AP3S1: variants seen among roughly 807,000 people sequenced by gnomAD.
AP3S1 encodes the protein adaptor related protein complex 3 subunit sigma 1.
AP3S1 carries 12 observed loss-of-function variants against 21.3 expected under a neutral mutation model. The observed-to-expected ratio is 0.56, with a 90% confidence interval of 0.36 to 0.91. AP3S1 has a LOEUF of 0.91. AP3S1 is among the 40% of genes least tolerant of loss of function. The pLI is 0.01. For synonymous variants in AP3S1, 48 were observed against 78.4 expected, an observed-to-expected ratio of 0.61 and a Z score of 2.05; for missense variants, 116 against 225.0, an observed-to-expected ratio of 0.52 and a Z score of 3.10.
intron 5 of AP3S1, among the ~76,000 whole-genome samples, chr5:115,911,489 G>T (rs1437928701): frequency 6.6e-6 from 1 of 151,878 alleles, no homozygotes; most frequent in African/African-American, 2.4e-5. Context: ...TAAAAATAGT[G>T]GCAAATTGGT....
chr5:115,856,753 C>T (rs1187140700), intron 1 of AP3S1, among the ~76,000 whole-genome samples: 4 of 152,176 alleles, frequency 2.6e-5, no homozygotes, highest in Non-Finnish European at 2.9e-5. Flanking sequence ...GGATTACAAA[C>T]GTGAGCCACT....
At chr5:115,862,451 T>G (rs563985351) in intron 1 of AP3S1, among the ~76,000 whole-genome samples, 1 of 152,332 alleles carries the variant, frequency 6.6e-6, no homozygotes, top group East Asian at 1.9e-4. Context: ...GTATCAAAAT[T>G]TATGCAAACA....
At chr5:115,902,021 A>G (rs548415024) in intron 4 of AP3S1, among the ~76,000 whole-genome samples, 1 of 152,194 alleles carries the variant, frequency 6.6e-6, no homozygotes, top group Non-Finnish European at 1.5e-5. Context: ...TGAGGTGCCT[A>G]TATTATTTCT....
chr5:115,894,827 G>C (rs1750609109), intron 3 of AP3S1, among the ~76,000 whole-genome samples: 1 of 152,094 alleles, frequency 6.6e-6, no homozygotes, highest in South Asian at 2.1e-4. Flanking sequence ...GTAAGAAATG[G>C]TGCTAAGACT....
intron 5 of AP3S1, chr5:115,906,875 T>A: frequency 6.6e-7 from 1 of 1,509,860 alleles, no homozygotes; most frequent in Non-Finnish European, 8.8e-7. Flanking sequence ...TTGCTGACTT[T>A]GAGAAATATG....
chr5:115,873,071 C>T (rs1748409397), intron 3 of AP3S1, among the ~76,000 whole-genome samples: 1 of 152,090 alleles, frequency 6.6e-6, no homozygotes, highest in African/African-American at 2.4e-5. Flanking sequence ...TTAAGAAAGA[C>T]CAAAACAAAT....
At chr5:115,847,265 T>G (rs1218886645) in intron 1 of AP3S1, among the ~76,000 whole-genome samples, 1 of 151,422 alleles carries the variant, frequency 6.6e-6, no homozygotes, top group Admixed American at 6.6e-5. Context: ...AAGAAAGGAG[T>G]GGATGGTGGG....
At chr5:115,881,613 T>C (rs1749298546) in intron 3 of AP3S1, among the ~76,000 whole-genome samples, 1 of 152,166 alleles carries the variant, frequency 6.6e-6, no homozygotes, top group Non-Finnish European at 1.5e-5. Flanking sequence ...AACCCAACCT[T>C]TCTCTCTGGC....
intron 3 of AP3S1, among the ~76,000 whole-genome samples, chr5:115,881,899 T>G (rs1403016180): frequency 1.3e-5 from 2 of 152,044 alleles, no homozygotes; most frequent in African/African-American, 4.8e-5. Context: ...TGTTTGTTCC[T>G]TTTCATTCTT....
intron 1 of AP3S1, among the ~76,000 whole-genome samples, chr5:115,843,800 A>G (rs1291228796): frequency 1.3e-5 from 2 of 152,210 alleles, no homozygotes; most frequent in Non-Finnish European, 1.5e-5. Flanking sequence ...TGAAAAATGC[A>G]TTTAATTTAG....
At chr5:115,908,644 A>G (rs1027464449) in intron 5 of AP3S1, among the ~76,000 whole-genome samples, 4 of 152,142 alleles carry the variant, frequency 2.6e-5, no homozygotes, top group Non-Finnish European at 5.9e-5. Context: ...GTACAAAATG[A>G]CTAATAATTT....
rs1425329688 is a variant in AP3S1 at position 115,842,121 on chromosome 5, G to A, written c.69+15G>A. On this transcript the variant is annotated intron_variant, in intron 1 of 5. Coordinates refer to ENST00000316788, the MANE Select transcript of AP3S1 (RefSeq NM_001284.4). ...ACCAGCCCTACGTGAGTATCCAGCC[G>A]CCGCTGATCCGGGCGAGGGGGAGTC... 2.1e-6 allele frequency: 3 copies of A among 1,412,514 alleles called. No individual in the cohort carries two copies. Among genetic ancestry groups the A allele is most frequent in the Admixed American group, 2.6e-5 (1 of 38,792 alleles). The allele number at this position is 1,412,514 out of a possible 1,614,324, so 87.5% of individuals were successfully genotyped here.
chr5:115,860,751 G>T (rs1763114145), intron 1 of AP3S1, among the ~76,000 whole-genome samples: 1 of 152,092 alleles, frequency 6.6e-6, no homozygotes, highest in Admixed American at 6.6e-5. Flanking sequence ...TCATCCTTGT[G>T]TGTTTATGCC....
chr5:115,873,210 G>A (rs551367054), intron 3 of AP3S1, among the ~76,000 whole-genome samples: 7 of 152,216 alleles, frequency 4.6e-5, no homozygotes, highest in Non-Finnish European at 8.8e-5. Context: ...CTCCAAAGGG[G>A]ATTAGATGGG....
At chr5:115,906,477 G>A (rs1751662669) in intron 5 of AP3S1, among the ~76,000 whole-genome samples, 2 of 152,194 alleles carry the variant, frequency 1.3e-5, no homozygotes, top group Admixed American at 1.3e-4. Flanking sequence ...CTGAAAGAGA[G>A]AAGCAAAGAT....
At chr5:115,906,321 A>G (rs1580747588) in intron 5 of AP3S1, among the ~76,000 whole-genome samples, 1 of 152,222 alleles carries the variant, frequency 6.6e-6, no homozygotes. Context: ...CTTTTTAAAC[A>G]TAACATGCAT....
At chr5:115,905,245 G>A (rs1044729043) in intron 5 of AP3S1, among the ~76,000 whole-genome samples, 11 of 152,064 alleles carry the variant, frequency 7.2e-5, no homozygotes, top group Non-Finnish European at 1.6e-4. Flanking sequence ...TCGTTAATGA[G>A]GCAATTTTTC....
intron 1 of AP3S1, among the ~76,000 whole-genome samples, chr5:115,862,434 T>A (rs1023265026): frequency 5.3e-5 from 8 of 152,216 alleles, no homozygotes; most frequent in Non-Finnish European, 1.2e-4. Context: ...TTGTAAAAAG[T>A]TAAAATGTAT....
chr5:115,851,802 A>G (rs1426643653), intron 1 of AP3S1, among the ~76,000 whole-genome samples: 1 of 152,126 alleles, frequency 6.6e-6, no homozygotes, highest in Non-Finnish European at 1.5e-5. Context: ...TTTGATACAC[A>G]CAACTGTTTA....
Sources: gnomAD v4.1 joint callset for allele counts (sites outside exome capture counted in the v4.1 genomes callset) on GRCh38, gnomAD v4.1.1 for gene constraint, MANE v1.5 for transcripts, NCBI Gene and HGNC (gene_info 2026-07-23, HGNC 2026-07-21) for gene names.